TMTC1: variants seen among roughly 807,000 people sequenced by gnomAD.
TMTC1 encodes transmembrane O-mannosyltransferase targeting cadherins 1.
Under a neutral mutation model 104.8 loss-of-function variants are expected in TMTC1, and 73 were observed. That is an observed-to-expected ratio of 0.70 (90% CI 0.58 to 0.85). TMTC1 has a LOEUF of 0.85. TMTC1 is among the 40% of genes least tolerant of loss of function. The pLI, the probability that TMTC1 is intolerant of heterozygous loss-of-function variation, is 0.00. For missense variants in TMTC1, 1,035 were observed against 1,096.1 expected (o/e 0.94, Z 0.79); for synonymous variants, 434 against 428.7 (o/e 1.01, Z -0.15).
At chr12:29,661,347 C>T in intron 5 of TMTC1, 1 of 980,702 alleles carries the variant, frequency 1.0e-6, no homozygotes, top group Non-Finnish European at 1.2e-6. Flanking sequence ...CCAATGTCTT[C>T]CATCCACAAA....
Position 29,503,753 on chromosome 12 carries a change from A to G in TMTC1, c.*3093T>C. ...GACCTGTTTGGGAACCCAGTGCAAA[A>G]TGAAAGTGTGGACCTCTTGCTCAAA... On this transcript the variant is annotated 3_prime_UTR_variant, in exon 18 of 18. Coordinates refer to ENST00000539277, the MANE Select transcript of TMTC1 (RefSeq NM_001193451.2). The G allele has an allele frequency of 6.6e-6, 1 of 152,162 alleles. No individual in the cohort carries two copies. The highest frequency in any genetic ancestry group is 1.9e-4 in the East Asian group (1 of 5,194). The allele number at this position is 152,162 out of a possible 1,614,324, so 9.4% of individuals were successfully genotyped here. A position where few individuals can be genotyped will look rare whatever the true frequency, so the allele number is the denominator to read the frequency against.
At chr12:29,668,364 G>A (rs1457414395) in intron 5 of TMTC1, among the ~76,000 whole-genome samples, 1 of 151,448 alleles carries the variant, frequency 6.6e-6, no homozygotes, top group Non-Finnish European at 1.5e-5. Context: ...GCACCTCCCA[G>A]AAGGCCTCAC....
chr12:29,659,755 T>C (rs1939926406), intron 5 of TMTC1: 6 of 647,590 alleles, frequency 9.3e-6, no homozygotes, highest in South Asian at 9.1e-5. Context: ...TTCAAATGTA[T>C]AGTTTCTTTT....
chr12:29,625,046 AAT>A (rs1486835971), intron 6 of TMTC1, among the ~76,000 whole-genome samples: 2 of 152,202 alleles, frequency 1.3e-5, no homozygotes, highest in Non-Finnish European at 2.9e-5. Flanking sequence ...TTATGGATAT[AAT>A]CAGGGATTAT....
chr12:29,752,960 T>C (rs964425278), intron 4 of TMTC1, among the ~76,000 whole-genome samples: 5 of 152,206 alleles, frequency 3.3e-5, no homozygotes, highest in African/African-American at 1.2e-4. Flanking sequence ...AAAAGAAAGA[T>C]AATTTTCAGG....
rs1020960001 is a variant in TMTC1 at position 29,514,483 on chromosome 12, T to G, written c.2429A>C (p.Glu810Ala). 6.2e-6 allele frequency: 10 copies of G among 1,609,952 alleles called. No homozygotes were observed. Among genetic ancestry groups the G allele is most frequent in the Non-Finnish European group, 8.5e-6 (10 of 1,179,046 alleles). Reference protein sequence around the residue: ...REQNLLDKAFESYRVAVQLNP... With the variant: ...REQNLLDKAFASYRVAVQLNP... Reference sequence around the variant, plus strand: ...TATAATTTTATGATGAGTTTATACCTCAAAAGCTTTGTCGAGAAGGTTCTG... The same window carrying G: ...TATAATTTTATGATGAGTTTATACCGCAAAAGCTTTGTCGAGAAGGTTCTG... The change falls in exon 16 of 18, where the codon GAG becomes GCG. Residue 810 changes from glutamate (E) to alanine (A), a missense_variant and splice_region_variant. Glu to Ala is a moderately radical substitution (Grantham distance 107). Transcript: ENST00000539277.
chr12:29,586,983 T>G (rs1040850109), intron 7 of TMTC1, among the ~76,000 whole-genome samples: 1 of 152,168 alleles, frequency 6.6e-6, no homozygotes, highest in East Asian at 1.9e-4. Context: ...TCTTTTTCTA[T>G]TGATTGGAAT....
chr12:29,591,981 C>G (rs2136357660), intron 7 of TMTC1, among the ~76,000 whole-genome samples: 2 of 152,294 alleles, frequency 1.3e-5, no homozygotes, highest in South Asian at 4.1e-4. Flanking sequence ...GGAAAGATGA[C>G]AGCTTTCTAC....
intron 10 of TMTC1, among the ~76,000 whole-genome samples, chr12:29,549,805 A>G (rs1364902585): frequency 1.8e-4 from 27 of 152,188 alleles, no homozygotes. Flanking sequence ...CATTAGGGAA[A>G]CAGGAGATAA....
Position 29,516,453 on chromosome 12 carries a change from C to CT in TMTC1, c.2202dup (p.Glu735ArgfsTer3), listed in dbSNP as rs1394114404. Reference sequence around the variant, plus strand: ...ATGTGATTGGTCATCTTTTCAGCTTCTTTTGTCTGACCCATCACGGCCAAA... The same window carrying CT: ...ATGTGATTGGTCATCTTTTCAGCTTCTTTTTGTCTGACCCATCACGGCCAAA... On this transcript the variant is annotated frameshift_variant, in exon 15 of 18. Coordinates refer to ENST00000539277, the MANE Select transcript of TMTC1 (RefSeq NM_001193451.2). LOFTEE classifies it high-confidence loss of function. 1 of 1,613,860 alleles carries CT rather than the reference C, an allele frequency of 6.2e-7. No homozygotes were observed. The highest frequency in any genetic ancestry group is 2.2e-5 in the East Asian group (1 of 44,872).
intron 11 of TMTC1, among the ~76,000 whole-genome samples, chr12:29,527,008 T>C (rs1944367157): frequency 6.6e-6 from 1 of 152,152 alleles, no homozygotes; most frequent in Non-Finnish European, 1.5e-5. Context: ...AACTCTCTTT[T>C]GGATGCTGCA....
At chr12:29,518,049 A>G (rs1456833072) in intron 13 of TMTC1, among the ~76,000 whole-genome samples, 1 of 152,204 alleles carries the variant, frequency 6.6e-6, no homozygotes, top group Admixed American at 6.5e-5. Flanking sequence ...TCATGATGCC[A>G]TAGTTGGAAC....
At chr12:29,591,537 C>T (rs993762369) in intron 7 of TMTC1, among the ~76,000 whole-genome samples, 7 of 152,202 alleles carry the variant, frequency 4.6e-5, no homozygotes, top group Admixed American at 1.3e-4. Context: ...TGGTTTAGCT[C>T]AGTGCTAAGA....
intron 5 of TMTC1, among the ~76,000 whole-genome samples, chr12:29,668,263 C>T (rs1313244743): frequency 3.3e-5 from 5 of 152,106 alleles, no homozygotes; most frequent in African/African-American, 7.2e-5. Context: ...CTGGTGAAGG[C>T]CTTCTTGCTG....
chr12:29,609,568 T>C lies in TMTC1; in HGVS notation c.1129-5269A>G, dbSNP rs117686981. On this transcript the variant is annotated intron_variant, in intron 6 of 17. Coordinates refer to ENST00000539277, the MANE Select transcript of TMTC1 (RefSeq NM_001193451.2). Reference sequence around the variant, plus strand: ...AGGTTTATTTAAAATATTGTGAACTTTGAATCCACAAAAGCCCTTATGTCT... The same window carrying C: ...AGGTTTATTTAAAATATTGTGAACTCTGAATCCACAAAAGCCCTTATGTCT... Among the ~76,000 whole-genome samples the C allele has an allele frequency of 6.0e-4, 92 of 152,372 alleles. 1 individual carries two copies. The highest frequency in any genetic ancestry group is 4.2e-3 in the East Asian group (22 of 5,196).
chr12:29,539,205 T>C (rs1944726374), intron 10 of TMTC1, among the ~76,000 whole-genome samples: 2 of 152,178 alleles, frequency 1.3e-5, no homozygotes, highest in African/African-American at 2.4e-5. Flanking sequence ...AGTAATATGA[T>C]TATTATGTGA....
intron 10 of TMTC1, among the ~76,000 whole-genome samples, chr12:29,543,838 T>C (rs1944868740): frequency 6.6e-6 from 1 of 152,230 alleles, no homozygotes; most frequent in Admixed American, 6.5e-5. Context: ...AATGGAAATA[T>C]AGCATCTAGT....
intron 11 of TMTC1, among the ~76,000 whole-genome samples, chr12:29,524,496 T>C (rs1944279201): frequency 6.6e-6 from 1 of 152,208 alleles, no homozygotes; most frequent in South Asian, 2.1e-4. Context: ...AATTTAAAGA[T>C]GACTTTTGTG....
intron 7 of TMTC1, among the ~76,000 whole-genome samples, chr12:29,586,565 G>A (rs549424874): frequency 3.9e-5 from 6 of 152,016 alleles, no homozygotes; most frequent in Admixed American, 1.3e-4. Flanking sequence ...TGATATTGGC[G>A]TGGGTTTGTC....
Sources: gnomAD v4.1 joint callset for allele counts (sites outside exome capture counted in the v4.1 genomes callset) on GRCh38, gnomAD v4.1.1 for gene constraint, MANE v1.5 for transcripts, NCBI Gene and HGNC (gene_info 2026-07-23, HGNC 2026-07-21) for gene names.